LDHA: variants seen among roughly 807,000 people sequenced by gnomAD.
LDHA encodes the protein lactate dehydrogenase A.
In LDHA, 10 loss-of-function variants were observed where a neutral mutation model predicts 36.3. That is an observed-to-expected ratio of 0.28 (90% confidence interval 0.17 to 0.47). LDHA has a LOEUF of 0.47. Among genes scored for constraint, LDHA ranks in the 20% least tolerant of loss-of-function variants. The pLI, the probability that LDHA is intolerant of heterozygous loss-of-function variation, is 0.99. For synonymous variants in LDHA, 110 were observed against 136.7 expected, an observed-to-expected ratio of 0.80 and a Z score of 1.36; for missense variants, 267 against 405.8, an observed-to-expected ratio of 0.66 and a Z score of 2.94.
intron 2 of LDHA, chr11:18,399,230 A>AG (rs1234877562): frequency 1.8e-6 from 1 of 542,612 alleles, no homozygotes; most frequent in Non-Finnish European, 3.3e-6. Context: ...ACAGGGCTGG[A>AG]GAGAGGGTCA....
chr11:18,400,540 A>C (rs1177977951), intron 3 of LDHA: 10 of 416,370 alleles, frequency 2.4e-5, no homozygotes, highest in Non-Finnish European at 1.8e-5. Context: ...GGAGTATGGA[A>C]GAGTGTGAAC....
At chr11:18,405,405 C>T in intron 6 of LDHA, 44 bp from the exon 7 acceptor site, 1 of 1,607,244 alleles carries the variant, frequency 6.2e-7, no homozygotes. Context: ...TTCTTTCTCC[C>T]ACCCTGCTTT....
rs1405322703 is a variant in LDHA, at chr11:18,396,939, A to G, written c.97A>G (p.Met33Val). The change falls in exon 2 of 8, where the codon ATG becomes GTG. Residue 33 changes from methionine (M) to valine (V), a missense_variant. Met to Val is a conservative substitution (Grantham distance 21). Transcript: ENST00000422447. Reference protein sequence around the residue: ...ITVVGVGAVGMACAISILMKD... With the variant: ...ITVVGVGAVGVACAISILMKD... ...AGTTGTTGGGGTTGGTGCTGTTGGC[A>G]TGGCCTGTGCCATCAGTATCTTAAT... 1 of 1,614,164 alleles carries G rather than the reference A, an allele frequency of 6.2e-7. No individual in the cohort carries two copies. Among genetic ancestry groups the G allele is most frequent in the East Asian group, 2.2e-5 (1 of 44,886 alleles).
rs1457181879 is a variant in LDHA, at chr11:18,407,777, A to G, written c.*496A>G. ...ATTACCATATAATGTAAAAAGATCT[A>G]CATACAAACAATGCAACCAACTATC... On this transcript the variant is annotated 3_prime_UTR_variant, in exon 8 of 8. Transcript: ENST00000422447. 1 of 457,458 alleles carries G rather than the reference A, an allele frequency of 2.2e-6. No individual in the cohort carries two copies. The highest frequency in any genetic ancestry group is 4.4e-6 in the Non-Finnish European group (1 of 229,060). 28.3% of individuals were successfully genotyped at this position (457,458 alleles called of 1,614,324 possible). A position where few individuals can be genotyped will look rare whatever the true frequency, so the allele number is the denominator to read the frequency against.
chr11:18,397,009 C>G, intron 2 of LDHA, 41 bp downstream of exon 2: 1 of 1,586,800 alleles, frequency 6.3e-7, no homozygotes, highest in Non-Finnish European at 8.7e-7. Flanking sequence ...ATACCTTGAC[C>G]CCATCCTCTA....
rs781235880 is a variant in LDHA, at chr11:18,403,755, A to G, written c.654A>G (p.Leu218=). 2 of 1,612,054 alleles carry G rather than the reference A, an allele frequency of 1.2e-6. No homozygotes were observed. The highest frequency in any genetic ancestry group is 3.3e-5 in the Admixed American group (2 of 60,030). ...GVSLKTLHPD[L]GTDKDKEQWK... ...CTCTGAAGACTCTGCACCCAGATTTAGGGACTGATAAAGATAAGGAACAGT... is the reference window on the plus strand; with the variant it reads ...CTCTGAAGACTCTGCACCCAGATTTGGGGACTGATAAAGATAAGGAACAGT... The change falls in exon 6 of 8, where the codon TTA becomes TTG. Residue 218 remains leucine, a synonymous_variant. Transcript: ENST00000422447.
At chr11:18,404,531 G>A (rs897879240) in intron 6 of LDHA, among the ~76,000 whole-genome samples, 4 of 152,078 alleles carry the variant, frequency 2.6e-5, no homozygotes, top group Non-Finnish European at 4.4e-5. Flanking sequence ...AATCATAGCC[G>A]GGCATGGTGG....
rs781638459 is a variant in LDHA at position 18,399,306 on chromosome 11, A to G, written c.127-125A>G. 5.5e-6 allele frequency: 4 copies of G among 728,520 alleles called. No individual in the cohort carries two copies. In the Admixed American group the frequency reaches 8.4e-5, roughly 15 times the overall value. The allele number at this position is 728,520 out of a possible 1,614,324, so 45.1% of individuals were successfully genotyped here. A position where few individuals can be genotyped will look rare whatever the true frequency, so the allele number is the denominator to read the frequency against. On this transcript the variant is annotated intron_variant, in intron 2 of 7. Coordinates refer to ENST00000422447, the MANE Select transcript of LDHA (RefSeq NM_005566.4). ...AAATGGGGTGCCCTCTACTTTGAATATCTCGATACTGTACTAATAAAGTAA... is the reference window on the plus strand; with the variant it reads ...AAATGGGGTGCCCTCTACTTTGAATGTCTCGATACTGTACTAATAAAGTAA...
rs199585928 is a variant in LDHA at position 18,396,894 on chromosome 11, A to G, written c.52A>G (p.Thr18Ala). The change falls in exon 2 of 8, where the codon ACC becomes GCC. Residue 18 changes from threonine to alanine, a missense_variant. Physicochemically the swap from Thr to Ala is moderately conservative, Grantham distance 58 (BLOSUM62 0). Transcript: ENST00000422447. ...TTATAATCTTCTAAAGGAAGAACAGACCCCCCAGAATAAGATTACAGTTGT... is the reference window on the plus strand; with the variant it reads ...TTATAATCTTCTAAAGGAAGAACAGGCCCCCCAGAATAAGATTACAGTTGT... ...LIYNLLKEEQ[T>A]PQNKITVVGV... is the part of the protein sequence containing the mutation. The G allele has an allele frequency of 3.3e-5, 53 of 1,613,326 alleles. No individual in the cohort carries two copies. Among genetic ancestry groups the G allele is most frequent in the Non-Finnish European group, 4.5e-5 (53 of 1,179,598 alleles).
At chr11:18,404,744 C>G (rs1050887493) in intron 6 of LDHA, among the ~76,000 whole-genome samples, 1 of 149,390 alleles carries the variant, frequency 6.7e-6, no homozygotes, top group Non-Finnish European at 1.5e-5. Context: ...GTAGTTGGAG[C>G]TTGCAGTGAG....
chr11:18,397,790 G>A (rs777416288), intron 2 of LDHA, among the ~76,000 whole-genome samples: 16 of 152,024 alleles, frequency 1.1e-4, no homozygotes, highest in Non-Finnish European at 2.1e-4. Context: ...CAGCCTGGGC[G>A]ACAGTGAGAC....
chr11:18,400,566 C>CA lies in LDHA; in HGVS notation c.245-266dup, dbSNP rs5790035. 0.68 allele frequency: 307,004 copies of CA among 449,904 alleles called. 109,429 individuals carry two copies. The highest frequency in any genetic ancestry group is 0.74 in the South Asian group (38,949 of 52,682). 27.9% of individuals were successfully genotyped at this position (449,904 alleles called of 1,614,324 possible). A position where few individuals can be genotyped will look rare whatever the true frequency, so the allele number is the denominator to read the frequency against. The stretch of plus-strand genomic sequence containing the variant: ...GAGTGTGAACGTTGAGCTTGGGGAT[C>CA]AAAAATTTGAGGATATGTAAGAAAT... On this transcript the variant is annotated intron_variant, in intron 3 of 7. Transcript: ENST00000422447.
At position 18,396,962 on chromosome 11, in the gene LDHA, A is replaced by C. The variant is rs777893906; in HGVS notation, c.120A>C (p.Leu40Phe). ...GCATGGCCTGTGCCATCAGTATCTT[A>C]ATGAAGGTAAGTGAGAGTCTACCAC... is the stretch of plus-strand genomic sequence containing the variant. ...AVGMACAISILMKDLADELAL... is the reference protein window; with the variant it reads ...AVGMACAISIFMKDLADELAL... The change falls in exon 2 of 8, where the codon TTA (leucine) becomes TTC (phenylalanine). Residue 40 changes from leucine (L) to phenylalanine (F), a missense_variant. Transcript: ENST00000422447. The C allele has an allele frequency of 6.2e-7, 1 of 1,614,100 alleles. No individual in the cohort carries two copies.
chr11:18,403,899 G>T, intron 6 of LDHA, 88 bp downstream of exon 6: 1 of 850,854 alleles, frequency 1.2e-6, no homozygotes, highest in African/African-American at 1.7e-5. Context: ...ATTTGCATTT[G>T]AGAACTTTTT....
intron 6 of LDHA, among the ~76,000 whole-genome samples, chr11:18,404,757 G>A (rs1038898389): frequency 4.2e-5 from 6 of 142,284 alleles, no homozygotes; most frequent in Admixed American, 7.7e-5. Context: ...GCAGTGAGCC[G>A]AGATCGCGCC....
chr11:18,403,156 T>C (rs577236693), intron 5 of LDHA, 143 bp downstream of exon 5: 2 of 725,682 alleles, frequency 2.8e-6, no homozygotes, highest in Non-Finnish European at 4.5e-6. Flanking sequence ...TGTATAATTA[T>C]ATGTTAAGAA....
At chr11:18,406,289 A>G (rs1460207293) in intron 7 of LDHA, among the ~76,000 whole-genome samples, 8 of 151,886 alleles carry the variant, frequency 5.3e-5, no homozygotes, top group Admixed American at 5.3e-4. Context: ...AAATCTTCAT[A>G]ATTAGGCCAC....
chr11:18,403,874 T>TAA, intron 6 of LDHA, 63 bp downstream of exon 6: 1 of 970,302 alleles, frequency 1.0e-6, no homozygotes. Context: ...TTTAAAAGGT[T>TAA]AAAATTGTAA....
At chr11:18,402,109 C>G (rs117978027) in intron 4 of LDHA, among the ~76,000 whole-genome samples, 2,997 of 151,636 alleles carry the variant, frequency 0.02, 33 homozygotes, top group Non-Finnish European at 0.031. Flanking sequence ...GCACGTGCCA[C>G]CATGCTCGGC....
Sources: gnomAD v4.1 joint callset for allele counts (sites outside exome capture counted in the v4.1 genomes callset) on GRCh38, gnomAD v4.1.1 for gene constraint, MANE v1.5 for transcripts, NCBI Gene and HGNC (gene_info 2026-07-23, HGNC 2026-07-21) for gene names.